GRID2: variants seen among roughly 807,000 people sequenced by gnomAD.
GRID2 encodes glutamate ionotropic receptor delta type subunit 2.
In GRID2, 33 loss-of-function variants were observed where a neutral mutation model predicts 114.8. The observed-to-expected ratio is 0.29, with a 90% confidence interval of 0.22 to 0.38. GRID2 has a LOEUF of 0.38. Ranked by LOEUF, GRID2 falls within the 10% of genes least tolerant of loss-of-function variation. The pLI is 1.00. For synonymous variants in GRID2, 505 were observed against 449.9 expected (o/e 1.12, Z -1.55); for missense variants, 1,184 against 1,257.7 (o/e 0.94, Z 0.89).
At chr4:93,435,865 G>T (rs1412977020) in intron 10 of GRID2, among the ~76,000 whole-genome samples, 3 of 152,244 alleles carry the variant, frequency 2.0e-5, no homozygotes, top group Non-Finnish European at 2.9e-5. Flanking sequence ...TGGAGTTCGG[G>T]TAAGGATATG....
chr4:93,340,706 T>C (rs913520948), intron 8 of GRID2, among the ~76,000 whole-genome samples: 3 of 152,158 alleles, frequency 2.0e-5, no homozygotes, highest in African/African-American at 7.2e-5. Context: ...AGGTCCACTA[T>C]TAAGCTGGAG....
intron 2 of GRID2, among the ~76,000 whole-genome samples, chr4:92,788,023 A>G (rs1006222178): frequency 1.3e-5 from 2 of 151,864 alleles, no homozygotes; most frequent in African/African-American, 2.4e-5. Context: ...TTAAATATAT[A>G]TAATTAAACA....
intron 14 of GRID2, among the ~76,000 whole-genome samples, chr4:93,687,990 T>C (rs1414790502): frequency 6.6e-6 from 1 of 151,936 alleles, no homozygotes; most frequent in African/African-American, 2.4e-5. Context: ...ATGGGAGGAC[T>C]GACACTTTCT....
At chr4:93,594,913 C>T (rs1414648637) in intron 13 of GRID2, among the ~76,000 whole-genome samples, 2 of 152,182 alleles carry the variant, frequency 1.3e-5, no homozygotes, top group South Asian at 2.1e-4. Flanking sequence ...TGCTTCGGCT[C>T]ATGCACGGTG....
At chr4:93,323,085 C>T (rs776153426) in intron 8 of GRID2, among the ~76,000 whole-genome samples, 15 of 152,006 alleles carry the variant, frequency 9.9e-5, no homozygotes, top group African/African-American at 1.7e-4. Context: ...CTTTTGTTGC[C>T]ATTGCTTTTG....
intron 2 of GRID2, among the ~76,000 whole-genome samples, chr4:92,959,324 A>G (rs573125884): frequency 1.6e-3 from 240 of 152,080 alleles, no homozygotes; most frequent in African/African-American, 5.6e-3. Flanking sequence ...TATACAATCA[A>G]TGTTATAAAT....
chr4:92,460,894 C>T (rs1721462008), intron 1 of GRID2, among the ~76,000 whole-genome samples: 1 of 151,818 alleles, frequency 6.6e-6, no homozygotes, highest in Non-Finnish European at 1.5e-5. Flanking sequence ...ATTGTTATTA[C>T]TATTTTGACA....
At chr4:92,657,587 C>T (rs766688353) in intron 2 of GRID2, among the ~76,000 whole-genome samples, 9 of 151,132 alleles carry the variant, frequency 6.0e-5, no homozygotes, top group Admixed American at 3.3e-4. Flanking sequence ...TAGAATTAAG[C>T]GTGTGTCATT....
intron 1 of GRID2, among the ~76,000 whole-genome samples, chr4:93,804,160 T>C (rs1049092536): frequency 6.6e-6 from 1 of 152,086 alleles, no homozygotes; most frequent in Non-Finnish European, 1.5e-5. Flanking sequence ...TAAAAATAAA[T>C]TAAAAATTGT....
chr4:92,970,146 G>T (rs80311597), intron 2 of GRID2, among the ~76,000 whole-genome samples: 1,524 of 151,968 alleles, frequency 0.01, 21 homozygotes, highest in African/African-American at 0.035. Context: ...AACAAATATT[G>T]TTGACATTGA....
intron 2 of GRID2, among the ~76,000 whole-genome samples, chr4:92,951,423 G>A (rs963778946): frequency 2.0e-5 from 3 of 151,532 alleles, no homozygotes; most frequent in Non-Finnish European, 4.4e-5. Flanking sequence ...GTCACACCTC[G>A]CTGCAGCCTG....
rs1351419943 is a variant in GRID2 at position 92,482,013 on chromosome 4, TATATATATATATATATATATAA to T, written c.89-108116_89-108095del. Among the ~76,000 whole-genome samples the T allele has an allele frequency of 3.7e-3, 242 of 65,632 alleles. 2 individuals are homozygous for T. The highest frequency in any genetic ancestry group is 0.012 in the African/African-American group (234 of 20,130). The allele number at this position is 65,632 out of a possible 152,430, so 43.1% of individuals were successfully genotyped here. On this transcript the variant is annotated intron_variant, in intron 1 of 15. Coordinates refer to ENST00000282020, the MANE Select transcript of GRID2 (RefSeq NM_001510.4). ...ATATATATATATATATATATATATA[TATATATATATATATATATATAA>T]AATAACAATACAAGCTTATAGCTGC...
intron 8 of GRID2, among the ~76,000 whole-genome samples, chr4:93,339,641 T>G (rs1051063263): frequency 1.3e-5 from 2 of 150,664 alleles, no homozygotes; most frequent in Non-Finnish European, 2.9e-5. Flanking sequence ...GAAACAAATA[T>G]AGTGACCTTG....
intron 4 of GRID2, among the ~76,000 whole-genome samples, chr4:93,122,912 T>TTTTTTTTTTG (rs1733926110): frequency 6.8e-6 from 1 of 147,588 alleles, no homozygotes; most frequent in Non-Finnish European, 1.5e-5. Context: ...TTTTTTTTTT[T>TTTTTTTTTTG]GATGAGAAAG....
chr4:93,154,878 T>C (rs1246035708), intron 4 of GRID2, among the ~76,000 whole-genome samples: 2 of 152,154 alleles, frequency 1.3e-5, no homozygotes, highest in East Asian at 3.9e-4. Context: ...TCTCTCACTT[T>C]ATAATTATCT....
At chr4:92,965,254 G>A (rs558258045) in intron 2 of GRID2, among the ~76,000 whole-genome samples, 1 of 151,480 alleles carries the variant, frequency 6.6e-6, no homozygotes, top group East Asian at 1.9e-4. Flanking sequence ...GGCATGATTT[G>A]TGTCCCCTCC....
intron 2 of GRID2, among the ~76,000 whole-genome samples, chr4:92,844,732 A>G (rs1158136501): frequency 2.6e-5 from 4 of 151,908 alleles, no homozygotes; most frequent in Non-Finnish European, 5.9e-5. Flanking sequence ...AAAGAAAAAA[A>G]AAAGATTGAA....
At chr4:92,727,130 G>T (rs964702983) in intron 2 of GRID2, among the ~76,000 whole-genome samples, 1 of 151,900 alleles carries the variant, frequency 6.6e-6, no homozygotes, top group Non-Finnish European at 1.5e-5. Context: ...TATTCCCTAT[G>T]TATTTGTATA....
chr4:93,455,426 TG>T (rs1723085913), intron 10 of GRID2, among the ~76,000 whole-genome samples: 1 of 152,180 alleles, frequency 6.6e-6, no homozygotes, highest in Non-Finnish European at 1.5e-5. Context: ...ATTTTACATA[TG>T]CTGATAATAT....
Sources: allele counts gnomAD v4.1 joint callset (sites outside exome capture counted in the v4.1 genomes callset), GRCh38; gene constraint gnomAD v4.1.1; transcripts MANE v1.5; gene names NCBI Gene and HGNC (gene_info 2026-07-23, HGNC 2026-07-21).